Variants in TTC28 observed in about 807,000 individuals in gnomAD.
The protein encoded by TTC28 is tetratricopeptide repeat domain 28.
In TTC28, 61 loss-of-function variants were observed where a neutral mutation model predicts 198.0. The observed-to-expected ratio is 0.31, with a 90% CI of 0.25 to 0.38. TTC28 has a LOEUF of 0.38. Among genes scored for constraint, TTC28 ranks in the 10% least tolerant of loss-of-function variants. The pLI is 1.00. For synonymous variants in TTC28, 1,171 were observed against 1,297.8 expected (o/e 0.90, Z 2.10); for missense variants, 2,678 against 3,164.0 (o/e 0.85, Z 3.69).
intron 5 of TTC28, among the ~76,000 whole-genome samples, chr22:28,164,928 G>GA (rs1182010825): frequency 4.6e-5 from 7 of 151,826 alleles, no homozygotes; most frequent in Non-Finnish European, 8.8e-5. Context: ...TAAAAACCTT[G>GA]AAAAAAAACT....
chr22:28,406,600 A>G (rs2047001212), intron 2 of TTC28, among the ~76,000 whole-genome samples: 1 of 152,230 alleles, frequency 6.6e-6, no homozygotes, highest in Admixed American at 6.5e-5. Flanking sequence ...CTGTTACATT[A>G]AAAGTTTGAA....
intron 2 of TTC28, among the ~76,000 whole-genome samples, chr22:28,438,620 G>T (rs1382464352): frequency 6.6e-6 from 1 of 152,118 alleles, no homozygotes; most frequent in Non-Finnish European, 1.5e-5. Context: ...TTTCCTGAAG[G>T]TTTTGACTGC....
intron 5 of TTC28, among the ~76,000 whole-genome samples, chr22:28,200,252 G>A (rs1480429689): frequency 6.6e-6 from 1 of 151,936 alleles, no homozygotes; most frequent in Non-Finnish European, 1.5e-5. Context: ...ACCATGCCTG[G>A]CAGTAAACTT....
chr22:28,539,517 C>T (rs2049365558), intron 2 of TTC28, among the ~76,000 whole-genome samples: 1 of 151,658 alleles, frequency 6.6e-6, no homozygotes, highest in Non-Finnish European at 1.5e-5. Context: ...GCACCTGTAC[C>T]CCCAGCTACT....
chr22:28,290,080 A>C (rs891703453), intron 5 of TTC28, among the ~76,000 whole-genome samples: 1 of 152,166 alleles, frequency 6.6e-6, no homozygotes, highest in African/African-American at 2.4e-5. Flanking sequence ...GTAGGCAGAC[A>C]AACTACTTTC....
intron 12 of TTC28, among the ~76,000 whole-genome samples, chr22:28,072,983 G>A (rs915987841): frequency 2.6e-5 from 4 of 152,188 alleles, no homozygotes; most frequent in African/African-American, 9.7e-5. Flanking sequence ...ACTGATGGAG[G>A]AGAAGATAGA....
At chr22:28,385,503 CAG>C (rs1326453270) in intron 2 of TTC28, among the ~76,000 whole-genome samples, 1 of 151,792 alleles carries the variant, frequency 6.6e-6, no homozygotes, top group Non-Finnish European at 1.5e-5. Flanking sequence ...GTAGAAGGTA[CAG>C]AGAGTTCCCA....
At chr22:28,210,066 G>C (rs906474570) in intron 5 of TTC28, among the ~76,000 whole-genome samples, 2 of 152,188 alleles carry the variant, frequency 1.3e-5, no homozygotes, top group African/African-American at 2.4e-5. Context: ...CAGACCTGCA[G>C]GTTAGGGTCC....
At chr22:28,164,257 A>G (rs1167100150) in intron 5 of TTC28, among the ~76,000 whole-genome samples, 2 of 152,204 alleles carry the variant, frequency 1.3e-5, no homozygotes, top group Non-Finnish European at 2.9e-5. Context: ...TAACCTCTGC[A>G]GACTTAAATG....
chr22:28,428,230 T>C (rs1414963094), intron 2 of TTC28, among the ~76,000 whole-genome samples: 1 of 151,988 alleles, frequency 6.6e-6, no homozygotes, highest in Non-Finnish European at 1.5e-5. Flanking sequence ...GCAGAAGTAT[T>C]TCAGAGAAAA....
chr22:28,342,988 C>T (rs1293272599), intron 2 of TTC28, among the ~76,000 whole-genome samples: 2 of 151,968 alleles, frequency 1.3e-5, no homozygotes, highest in African/African-American at 4.8e-5. Context: ...ACTACTCTCA[C>T]AAAATAAAGT....
chr22:28,672,808 T>A (rs2051910998), intron 1 of TTC28, among the ~76,000 whole-genome samples: 1 of 152,218 alleles, frequency 6.6e-6, no homozygotes, highest in Admixed American at 6.5e-5. Context: ...TGGCTGTAAT[T>A]GGCCTCACTG....
chr22:27,979,607 C>T lies in TTC28; in HGVS notation c.*2614G>A, dbSNP rs149621116. ...AACTTAGCTCATGGCTGTGAAAAACCAGACCGCTGACCAGTCTTAGCCTGT... is the reference window on the plus strand; with the variant it reads ...AACTTAGCTCATGGCTGTGAAAAACTAGACCGCTGACCAGTCTTAGCCTGT... On this transcript the variant is annotated 3_prime_UTR_variant, in exon 23 of 23. Coordinates refer to ENST00000397906, the MANE Select transcript of TTC28 (RefSeq NM_001145418.2). 27 of 152,168 alleles carry T rather than the reference C, an allele frequency of 1.8e-4. No individual in the cohort carries two copies. Among genetic ancestry groups the T allele is most frequent in the African/African-American group, 6.0e-4 (25 of 41,512 alleles). 9.4% of individuals were successfully genotyped at this position (152,168 alleles called of 1,614,324 possible).
chr22:28,289,780 C>T (rs944774706), intron 5 of TTC28, among the ~76,000 whole-genome samples: 2 of 152,160 alleles, frequency 1.3e-5, no homozygotes, highest in African/African-American at 4.8e-5. Flanking sequence ...AATCCCAACA[C>T]TTTGGGAGGC....
rs533279344 is a variant in TTC28, at chr22:28,670,714, T to C, written c.102+8908A>G. Among the ~76,000 whole-genome samples the C allele has an allele frequency of 2.0e-5, 3 of 149,974 alleles. No individual in the cohort carries two copies. The East Asian group carries it at 5.8e-4, about 29-fold the overall frequency. ...TTGATGTCTTTAGGGCATATATATA[T>C]ATATATATATGAGTGGAATTACTGG... On this transcript the variant is annotated intron_variant, in intron 1 of 22. Coordinates refer to ENST00000397906, the MANE Select transcript of TTC28 (RefSeq NM_001145418.2).
At chr22:28,092,523 C>A (rs537279040) in intron 12 of TTC28, among the ~76,000 whole-genome samples, 1 of 152,282 alleles carries the variant, frequency 6.6e-6, no homozygotes, top group Admixed American at 6.5e-5. Context: ...GAAATGAACA[C>A]TGCCAAAGTC....
At chr22:28,212,640 GC>G (rs1432353499) in intron 5 of TTC28, among the ~76,000 whole-genome samples, 2 of 82,058 alleles carry the variant, frequency 2.4e-5, no homozygotes, top group African/African-American at 8.1e-5. Flanking sequence ...ATAATTAATA[GC>G]CTACCAATCA....
rs114163359 is a variant in TTC28 at position 28,371,924 on chromosome 22, T to C, written c.382-65281A>G. Among the ~76,000 whole-genome samples the C allele has an allele frequency of 8.5e-3, 1,285 of 151,130 alleles. 16 individuals are homozygous for C. The highest frequency in any genetic ancestry group is 0.03 in the African/African-American group (1,225 of 41,180). On this transcript the variant is annotated intron_variant, in intron 2 of 22. Coordinates refer to ENST00000397906, the MANE Select transcript of TTC28 (RefSeq NM_001145418.2). ...TTTTAATGAATTTTTTTTATTTTAT[T>C]ATTATTATACTTAAATTAGCCAGAC...
In TTC28 at chr22:28,599,716, T is replaced by G. The variant is rs185936232; in HGVS notation, c.381+29836A>C. Among the ~76,000 whole-genome samples, 751 of 152,304 alleles carry G rather than the reference T, an allele frequency of 4.9e-3. 6 individuals carry two copies. The highest frequency in any genetic ancestry group is 7.0e-3 in the Non-Finnish European group (479 of 68,024). ...TACCATGTCAATTAGAAGAAGGCTC[T>G]AGATTGAGACTTTAAAGCAGTTATG... On this transcript the variant is annotated intron_variant, in intron 2 of 22. Coordinates refer to ENST00000397906, the MANE Select transcript of TTC28 (RefSeq NM_001145418.2).
Sources: allele counts gnomAD v4.1 joint callset (sites outside exome capture counted in the v4.1 genomes callset), GRCh38; gene constraint gnomAD v4.1.1; transcripts MANE v1.5; gene names NCBI Gene and HGNC (gene_info 2026-07-23, HGNC 2026-07-21).